The following CAMSAP2 variants were observed in gnomAD, a reference collection of about 807,000 sequenced individuals.
The protein encoded by CAMSAP2 is calmodulin-regulated spectrin-associated protein 2.
In CAMSAP2, 26 loss-of-function variants were observed where a neutral mutation model predicts 146.1. That is an observed-to-expected ratio of 0.18 (90% CI 0.13 to 0.25). The LOEUF (loss-of-function observed/expected upper bound fraction) is 0.25, where lower values mean the gene tolerates loss of function less well. Ranked by LOEUF, CAMSAP2 falls within the 10% of genes least tolerant of loss-of-function variation. The pLI, the probability that CAMSAP2 is intolerant of heterozygous loss-of-function variation, is 1.00. For missense variants in CAMSAP2, 1,381 were observed against 1,759.3 expected, an observed-to-expected ratio of 0.78 and a Z score of 3.85; for synonymous variants, 499 against 596.6, an observed-to-expected ratio of 0.84 and a Z score of 2.38.
Position 200,832,434 on chromosome 1 carries a change from G to A in CAMSAP2, c.787+93G>A, listed in dbSNP as rs1026991761. ...TTTGCACTCCAGCCTAGGTGACTGAGTGGGACCCTGTCTCAAAAAAAAGAC... is the reference window on the plus strand; with the variant it reads ...TTTGCACTCCAGCCTAGGTGACTGAATGGGACCCTGTCTCAAAAAAAAGAC... On this transcript the variant is annotated intron_variant, in intron 5 of 16. Coordinates refer to ENST00000358823, the MANE Select transcript of CAMSAP2 (RefSeq NM_203459.4). This position sits in a 1 kb window ranked among gnomAD's most constrained non-coding sequence, Gnocchi z 4.2. 3 of 1,189,198 alleles carry A rather than the reference G, an allele frequency of 2.5e-6. No homozygotes were observed. Among genetic ancestry groups the A allele is most frequent in the African/African-American group, 3.1e-5 (2 of 63,838 alleles). 73.7% of individuals were successfully genotyped at this position (1,189,198 alleles called of 1,614,324 possible). A position where few individuals can be genotyped will look rare whatever the true frequency, so the allele number is the denominator to read the frequency against.
rs368854380 is a variant in CAMSAP2, at chr1:200,832,886, A to G, written c.927+41A>G. The G allele has an allele frequency of 2.0e-5, 31 of 1,524,640 alleles. No individual in the cohort carries two copies. The highest frequency in any genetic ancestry group is 4.2e-5 in the African/African-American group (3 of 70,602). The allele number at this position is 1,524,640 out of a possible 1,614,324, so 94.4% of individuals were successfully genotyped here. A position where few individuals can be genotyped will look rare whatever the true frequency, so the allele number is the denominator to read the frequency against. ...CTTTTTTTCCCTTTGCTTTGTTAAA[A>G]TATGTTTTTTTAAAAAACAAACAAA... is the stretch of plus-strand genomic sequence containing the variant. On this transcript the variant is annotated intron_variant, in intron 6 of 16. Coordinates refer to ENST00000358823, the MANE Select transcript of CAMSAP2 (RefSeq NM_203459.4). This position sits in a 1 kb window ranked among gnomAD's most constrained non-coding sequence, Gnocchi z 4.2.
chr1:200,828,712 GAATA>G, intron 4 of CAMSAP2: 1 of 1,046,786 alleles, frequency 9.6e-7, no homozygotes, highest in Non-Finnish European at 1.4e-6. Context: ...GTTAGTCATT[GAATA>G]GAGATTGGAT....
chr1:200,801,040 C>A (rs189608629), intron 2 of CAMSAP2, among the ~76,000 whole-genome samples: 1 of 152,094 alleles, frequency 6.6e-6, no homozygotes, highest in Non-Finnish European at 1.5e-5. Flanking sequence ...CCAAGACGGG[C>A]GGATCACAGG....
At chr1:200,756,572 G>T (rs949486656) in intron 1 of CAMSAP2, among the ~76,000 whole-genome samples, 1 of 152,180 alleles carries the variant, frequency 6.6e-6, no homozygotes, top group Admixed American at 6.5e-5. Context: ...ATTTTGGAAT[G>T]GATGCAGGTA....
At chr1:200,851,286 C>T (rs1233384587) in intron 11 of CAMSAP2, among the ~76,000 whole-genome samples, 6 of 152,132 alleles carry the variant, frequency 3.9e-5, no homozygotes, top group South Asian at 4.1e-4. Flanking sequence ...CCACAACCTC[C>T]GCCTCCTGGG....
intron 3 of CAMSAP2, among the ~76,000 whole-genome samples, chr1:200,811,140 A>G (rs902475054): frequency 1.3e-5 from 2 of 152,172 alleles, no homozygotes; most frequent in African/African-American, 2.4e-5. Context: ...CTTCTAAAGC[A>G]TGAACCATCT....
Position 200,858,300 on chromosome 1 carries a change from T to G in CAMSAP2, c.*241T>G, listed in dbSNP as rs771204436. On this transcript the variant is annotated 3_prime_UTR_variant, in exon 17 of 17. Transcript: ENST00000358823. ...TAATTCACAAATGGAGATTTGTATG[T>G]GTTATCAGGTTCACCTGCTTGATAT... The G allele has an allele frequency of 1.8e-4, 72 of 404,996 alleles. 1 individual carries two copies. The highest frequency in any genetic ancestry group is 4.3e-5 in the Non-Finnish European group (10 of 229,962). 25.1% of individuals were successfully genotyped at this position (404,996 alleles called of 1,614,324 possible). A position where few individuals can be genotyped will look rare whatever the true frequency, so the allele number is the denominator to read the frequency against.
chr1:200,817,740 A>G (rs1259546925), intron 4 of CAMSAP2, among the ~76,000 whole-genome samples: 2 of 152,200 alleles, frequency 1.3e-5, no homozygotes, highest in African/African-American at 4.8e-5. Context: ...ACCACGTACA[A>G]TTTTGTCTGA....
At chr1:200,828,456 A>G (rs1479422784) in intron 4 of CAMSAP2, 11 of 929,570 alleles carry the variant, frequency 1.2e-5, no homozygotes, top group Non-Finnish European at 1.8e-5. Context: ...TATGAGAACT[A>G]TAAACTTGGA....
Position 200,844,821 on chromosome 1 carries a change from A to G in CAMSAP2, c.1061A>G (p.Asn354Ser). ...GATATGCCTTCAATTCCTGTCTTGA[A>G]TGCTGCCAAAAGAAATGTCTTAGAT... ...VKDMPSIPVLNAAKRNVLDSS... is the reference protein window; with the variant it reads ...VKDMPSIPVLSAAKRNVLDSS... The change falls in exon 8 of 17, where the codon AAT (asparagine) becomes AGT (serine). Residue 354 changes from asparagine (N) to serine (S), a missense_variant. Physicochemically the swap from Asn to Ser is conservative, Grantham distance 46 (BLOSUM62 1). Transcript: ENST00000358823. The G allele has an allele frequency of 1.3e-6, 2 of 1,596,202 alleles. No individual in the cohort carries two copies. Among genetic ancestry groups the G allele is most frequent in the South Asian group, 1.2e-5 (1 of 86,600 alleles).
rs897412963 is a variant in CAMSAP2, at chr1:200,832,691, T to C, written c.788-15T>C. 8 of 1,585,606 alleles carry C rather than the reference T, an allele frequency of 5.0e-6. No homozygotes were observed. The East Asian group carries it at 1.8e-4, about 36-fold the overall frequency. ...TTAATCCAAAGTCACCACCTTGCTC[T>C]TTTCTTATTTGAAGATATTTGTTTG... On this transcript the variant is annotated splice_polypyrimidine_tract_variant and intron_variant, in intron 5 of 16. Coordinates refer to ENST00000358823, the MANE Select transcript of CAMSAP2 (RefSeq NM_203459.4). This position sits in a 1 kb window ranked among gnomAD's most constrained non-coding sequence, Gnocchi z 4.2.
rs16847284 is a variant in CAMSAP2, at chr1:200,858,510, A to G, written c.*451A>G. The G allele has an allele frequency of 0.14, 21,266 of 153,106 alleles. 1,568 individuals carry two copies. Among genetic ancestry groups the G allele is most frequent in the African/African-American group, 0.19 (7,699 of 41,474 alleles). The allele number at this position is 153,106 out of a possible 1,614,324, so 9.5% of individuals were successfully genotyped here. On this transcript the variant is annotated 3_prime_UTR_variant, in exon 17 of 17. Transcript: ENST00000358823. The stretch of plus-strand genomic sequence containing the variant: ...TTATTCTAAGATACCTTTGTATTTT[A>G]TTTCATGTGGAGATCATGAAAGTAG...
At chr1:200,789,897 T>C (rs1665700450) in intron 2 of CAMSAP2, among the ~76,000 whole-genome samples, 1 of 152,216 alleles carries the variant, frequency 6.6e-6, no homozygotes, top group Admixed American at 6.5e-5. Flanking sequence ...TATTTATAAT[T>C]TGGGGGTGCT....
At chr1:200,769,405 G>A (rs1415172288) in intron 2 of CAMSAP2, among the ~76,000 whole-genome samples, 1 of 152,060 alleles carries the variant, frequency 6.6e-6, no homozygotes, top group Non-Finnish European at 1.5e-5. Context: ...ACCAAGCAAC[G>A]GACACCAGTG....
At chr1:200,744,027 T>G (rs958723683) in intron 1 of CAMSAP2, among the ~76,000 whole-genome samples, 1 of 152,246 alleles carries the variant, frequency 6.6e-6, no homozygotes, top group Non-Finnish European at 1.5e-5. Flanking sequence ...TCAAGCACTT[T>G]ACACATACTG....
At chr1:200,758,122 T>C (rs918229246) in intron 1 of CAMSAP2, among the ~76,000 whole-genome samples, 3 of 152,334 alleles carry the variant, frequency 2.0e-5, no homozygotes, top group Admixed American at 6.5e-5. Flanking sequence ...TGTTTAGGAC[T>C]GTGTCTGACA....
At chr1:200,805,348 T>C (rs1212475181) in intron 2 of CAMSAP2, among the ~76,000 whole-genome samples, 2 of 152,230 alleles carry the variant, frequency 1.3e-5, no homozygotes, top group African/African-American at 4.8e-5. Flanking sequence ...GGCTAGCTTC[T>C]TTCTTTCCTT....
intron 2 of CAMSAP2, among the ~76,000 whole-genome samples, chr1:200,791,222 A>G (rs1665743263): frequency 6.6e-6 from 1 of 152,186 alleles, no homozygotes; most frequent in Admixed American, 6.5e-5. Context: ...TTTCTGAGAG[A>G]AGTCAGATGT....
Position 200,859,202 on chromosome 1 carries a change from T to G in CAMSAP2, c.*1143T>G, listed in dbSNP as rs1667823093. ...TTCTTTAACAGTGTATACCAGAGGG[T>G]TAGTTGGGGAAAAACTTCATTCTCA... On this transcript the variant is annotated 3_prime_UTR_variant, in exon 17 of 17. Transcript: ENST00000358823. 1.3e-5 allele frequency: 2 copies of G among 152,522 alleles called. No individual in the cohort carries two copies. The highest frequency in any genetic ancestry group is 4.8e-5 in the African/African-American group (2 of 41,406). 9.4% of individuals were successfully genotyped at this position (152,522 alleles called of 1,614,324 possible).
Sources: gnomAD v4.1 joint callset for allele counts (sites outside exome capture counted in the v4.1 genomes callset) on GRCh38, gnomAD v4.1.1 for gene constraint, Gnocchi (gnomAD v3.1) non-coding constraint, MANE v1.5 for transcripts, NCBI Gene and HGNC (gene_info 2026-07-23, HGNC 2026-07-21) for gene names.